The following SV2C variants were observed in gnomAD, a reference collection of about 807,000 sequenced individuals.
The protein encoded by SV2C is solute carrier family 22 member B3.
SV2C carries 49 observed loss-of-function variants against 79.7 expected under a neutral mutation model. The ratio of observed to expected loss-of-function variants is 0.61; its 90% CI spans 0.49 to 0.78. SV2C has a LOEUF of 0.78. Ranked by LOEUF, SV2C falls within the 30% of genes least tolerant of loss-of-function variation. SV2C has a pLI of 0.00. For synonymous variants in SV2C, 334 were observed against 333.2 expected (o/e 1.00, Z -0.03); for missense variants, 833 against 912.9 (o/e 0.91, Z 1.13).
intron 2 of SV2C, among the ~76,000 whole-genome samples, chr5:76,155,288 C>T (rs1742691619): frequency 6.6e-6 from 1 of 152,174 alleles, no homozygotes; most frequent in Admixed American, 6.5e-5. Flanking sequence ...TATGGGCATT[C>T]AGCAAATTAA....
chr5:76,312,050 C>T (rs1306968273), intron 12 of SV2C, among the ~76,000 whole-genome samples: 2 of 152,192 alleles, frequency 1.3e-5, no homozygotes, highest in African/African-American at 2.4e-5. Flanking sequence ...CCCTACTTTT[C>T]TCTCCCTGCT....
chr5:76,038,831 T>C, the SV2C span, among the ~76,000 whole-genome samples: 1 of 152,244 alleles, frequency 6.6e-6, no homozygotes, highest in Non-Finnish European at 1.5e-5. Flanking sequence ...TTTGCATTAA[T>C]GAATAACTCT....
chr5:76,298,724 A>G, intron 9 of SV2C, 70 bp from the exon 10 acceptor site: 1 of 1,566,964 alleles, frequency 6.4e-7, no homozygotes, highest in Non-Finnish European at 8.7e-7. Context: ...CTCTAAAACT[A>G]TTTGACTTAG....
chr5:75,969,296 T>C, the SV2C span, among the ~76,000 whole-genome samples: 1 of 152,164 alleles, frequency 6.6e-6, no homozygotes, highest in Non-Finnish European at 1.5e-5. Context: ...GCTAACATCA[T>C]AATGACAGGA....
chr5:75,973,781 A>G, the SV2C span, among the ~76,000 whole-genome samples: 1 of 152,044 alleles, frequency 6.6e-6, no homozygotes, highest in African/African-American at 2.4e-5. Context: ...ATTTAATTTG[A>G]ATGAATGATG....
chr5:76,114,870 A>G (rs1417268191), intron 1 of SV2C, among the ~76,000 whole-genome samples: 1 of 152,236 alleles, frequency 6.6e-6, no homozygotes, highest in Non-Finnish European at 1.5e-5. Flanking sequence ...GATGAATTAT[A>G]TTTATAAATT....
the SV2C span, among the ~76,000 whole-genome samples, chr5:75,879,930 T>C: frequency 6.6e-6 from 1 of 152,164 alleles, no homozygotes; most frequent in Non-Finnish European, 1.5e-5. Flanking sequence ...CACTCTTGCA[T>C]TGAGTGTGCC....
chr5:76,029,135 T>C, the SV2C span, among the ~76,000 whole-genome samples: 1 of 152,226 alleles, frequency 6.6e-6, no homozygotes, highest in Non-Finnish European at 1.5e-5. Context: ...GTAGTTATTA[T>C]GCACAATTTG....
At chr5:76,204,266 T>C (rs1422322687) in intron 3 of SV2C, among the ~76,000 whole-genome samples, 1 of 152,180 alleles carries the variant, frequency 6.6e-6, no homozygotes, top group African/African-American at 2.4e-5. Context: ...TGATTCCGAG[T>C]AAGAATTAAA....
the SV2C span, among the ~76,000 whole-genome samples, chr5:75,861,279 A>G: frequency 6.6e-6 from 1 of 152,148 alleles, no homozygotes; most frequent in Non-Finnish European, 1.5e-5. Flanking sequence ...AATATACTAT[A>G]TCCCACCAAT....
At chr5:75,967,050 C>T in the SV2C span, among the ~76,000 whole-genome samples, 22 of 152,182 alleles carry the variant, frequency 1.4e-4, no homozygotes, top group Admixed American at 4.6e-4. Context: ...ATTCTCCTTT[C>T]GGGCCAGGCA....
chr5:76,096,904 T>C (rs1747581933), intron 1 of SV2C, among the ~76,000 whole-genome samples: 1 of 152,226 alleles, frequency 6.6e-6, no homozygotes, highest in Non-Finnish European at 1.5e-5. Flanking sequence ...ATTTAAATTA[T>C]ACCATTGACC....
At chr5:76,242,598 T>C (rs1745822516) in intron 4 of SV2C, among the ~76,000 whole-genome samples, 1 of 152,168 alleles carries the variant, frequency 6.6e-6, no homozygotes, top group South Asian at 2.1e-4. Flanking sequence ...TTTTGTTTTA[T>C]TGGTACAGAA....
In SV2C at chr5:76,307,887, A is replaced by AT. The variant is rs377074600; in HGVS notation, c.2000+6348dup. Reference sequence around the variant, plus strand: ...TTCTACTTCTTTGCTAGGGCTTTCTATTTTTTCCATTTTTGCCGTGATGCT... The same window carrying AT: ...TTCTACTTCTTTGCTAGGGCTTTCTATTTTTTTCCATTTTTGCCGTGATGCT... On this transcript the variant is annotated intron_variant, in intron 12 of 12. Transcript: ENST00000502798. Among the ~76,000 whole-genome samples the AT allele has an allele frequency of 1.3e-3, 201 of 151,722 alleles. 1 individual carries two copies. Among genetic ancestry groups the AT allele is most frequent in the African/African-American group, 4.8e-3 (197 of 41,354 alleles).
At chr5:76,030,919 A>T in the SV2C span, among the ~76,000 whole-genome samples, 4 of 152,212 alleles carry the variant, frequency 2.6e-5, no homozygotes, top group African/African-American at 9.7e-5. Context: ...TAAGTATGAT[A>T]ATATAAATTA....
the SV2C span, among the ~76,000 whole-genome samples, chr5:75,852,825 C>CAA: frequency 0.029 from 2,313 of 81,100 alleles, 122 homozygotes; most frequent in African/African-American, 0.084. Flanking sequence ...GACTCCGTCT[C>CAA]AAAAAAAAAA....
chr5:76,278,064 A>G (rs1747075432), intron 4 of SV2C, among the ~76,000 whole-genome samples: 1 of 152,256 alleles, frequency 6.6e-6, no homozygotes, highest in Non-Finnish European at 1.5e-5. Context: ...AAGTGAATCA[A>G]GGTTATTTTG....
chr5:76,254,160 A>ATATG (rs1561284930), intron 4 of SV2C, among the ~76,000 whole-genome samples: 3 of 89,318 alleles, frequency 3.4e-5, no homozygotes, highest in African/African-American at 1.1e-4. Context: ...ATATATATAT[A>ATATG]TGTGTGTGTG....
intron 2 of SV2C, among the ~76,000 whole-genome samples, chr5:76,155,895 CTT>C (rs1742706551): frequency 7.7e-6 from 1 of 129,844 alleles, no homozygotes; most frequent in African/African-American, 3.0e-5. Flanking sequence ...AAGGAGCTGA[CTT>C]TGTTTGCAAC....
Sources: gnomAD v4.1 joint callset for allele counts (sites outside exome capture counted in the v4.1 genomes callset) on GRCh38, gnomAD v4.1.1 for gene constraint, MANE v1.5 for transcripts, NCBI Gene and HGNC (gene_info 2026-07-23, HGNC 2026-07-21) for gene names.